PRKG1: variants seen among roughly 807,000 people sequenced by gnomAD.
PRKG1 encodes cGMP-dependent protein kinase 1.
PRKG1 carries 35 observed loss-of-function variants against 88.1 expected under a neutral mutation model. The ratio of observed to expected loss-of-function variants is 0.40; its 90% confidence interval spans 0.30 to 0.53. The LOEUF (loss-of-function observed/expected upper bound fraction) is 0.53, where lower values mean the gene tolerates loss of function less well. PRKG1 is among the 20% of genes least tolerant of loss of function. The pLI is 0.59. For synonymous variants in PRKG1, 303 were observed against 292.5 expected (o/e 1.04, Z -0.37); for missense variants, 540 against 839.8 (o/e 0.64, Z 4.41).
chr10:51,525,381 A>G (rs1194176031), intron 3 of PRKG1, among the ~76,000 whole-genome samples: 1 of 152,226 alleles, frequency 6.6e-6, no homozygotes, highest in East Asian at 1.9e-4. Context: ...TTGCACTTCA[A>G]AATAATATGG....
chr10:51,150,002 T>C (rs1228972254), intron 1 of PRKG1, among the ~76,000 whole-genome samples: 1 of 152,044 alleles, frequency 6.6e-6, no homozygotes, highest in Non-Finnish European at 1.5e-5. Context: ...TTTATGGGTG[T>C]TTAGATTTAA....
chr10:51,027,333 T>A (rs1377413117), intron 1 of PRKG1, among the ~76,000 whole-genome samples: 1 of 152,230 alleles, frequency 6.6e-6, no homozygotes, highest in Admixed American at 6.5e-5. Flanking sequence ...CAAAGGTATA[T>A]TGACCTAGTG....
rs1845332544 is a variant in PRKG1, at chr10:52,026,184, AC to A, written c.763-28298del. ...GACTTATTTTTATCTATGAAAAAAT[AC>A]CGTGGGGATTTATTAAAATATATTA... On this transcript the variant is annotated intron_variant, in intron 5 of 17. Transcript: ENST00000373980. Among the ~76,000 whole-genome samples, 4 of 152,158 alleles carry A rather than the reference AC, an allele frequency of 2.6e-5. 1 individual carries two copies. The South Asian group carries it at 8.3e-4, about 31-fold the overall frequency.
intron 4 of PRKG1, among the ~76,000 whole-genome samples, chr10:51,828,814 C>A (rs566509606): frequency 1.3e-5 from 2 of 152,048 alleles, no homozygotes; most frequent in Non-Finnish European, 2.9e-5. Context: ...CAAGACAAAG[C>A]AGAATAAAAA....
intron 2 of PRKG1, among the ~76,000 whole-genome samples, chr10:51,395,422 A>G (rs890944503): frequency 6.6e-6 from 1 of 152,156 alleles, no homozygotes; most frequent in African/African-American, 2.4e-5. Flanking sequence ...TGCTTAACCT[A>G]TGTTGTCTGT....
chr10:51,946,911 G>A (rs1843052171), intron 5 of PRKG1, among the ~76,000 whole-genome samples: 2 of 152,182 alleles, frequency 1.3e-5, no homozygotes, highest in South Asian at 4.1e-4. Flanking sequence ...GGGGTCAGGG[G>A]TCAGGGACCC....
intron 2 of PRKG1, among the ~76,000 whole-genome samples, chr10:51,231,418 G>A (rs568739776): frequency 6.6e-6 from 1 of 152,190 alleles, no homozygotes; most frequent in South Asian, 2.1e-4. Flanking sequence ...CAAATTGTGC[G>A]TTTCAGTCTC....
At chr10:51,255,614 A>G (rs1409654619) in intron 2 of PRKG1, among the ~76,000 whole-genome samples, 1 of 152,120 alleles carries the variant, frequency 6.6e-6, no homozygotes, top group African/African-American at 2.4e-5. Context: ...TGCAGTAGCC[A>G]TGCCTTTGAT....
chr10:52,006,392 A>C (rs1029814952), intron 5 of PRKG1, among the ~76,000 whole-genome samples: 3 of 152,206 alleles, frequency 2.0e-5, no homozygotes, highest in African/African-American at 7.2e-5. Flanking sequence ...ATCATAATAA[A>C]ATGATACAGG....
At chr10:51,552,833 CTG>C (rs903085203) in intron 3 of PRKG1, among the ~76,000 whole-genome samples, 4 of 151,542 alleles carry the variant, frequency 2.6e-5, no homozygotes, top group African/African-American at 9.7e-5. Flanking sequence ...CGTATTTTTA[CTG>C]GCAGAAATCT....
At chr10:51,831,275 C>T (rs1839999822) in intron 4 of PRKG1, among the ~76,000 whole-genome samples, 1 of 151,814 alleles carries the variant, frequency 6.6e-6, no homozygotes, top group Non-Finnish European at 1.5e-5. Context: ...TTATTTTTTT[C>T]TGATAGCAGA....
intron 4 of PRKG1, among the ~76,000 whole-genome samples, chr10:51,901,272 T>C (rs1841973226): frequency 6.6e-6 from 1 of 152,206 alleles, no homozygotes; most frequent in South Asian, 2.1e-4. Context: ...ATTTCTTTAA[T>C]GATTAGTTTG....
At position 51,996,516 on chromosome 10, in the gene PRKG1, G is replaced by A. The variant is rs139949099; in HGVS notation, c.763-57968G>A. On this transcript the variant is annotated intron_variant, in intron 5 of 17. Transcript: ENST00000373980. ...TAGAAGACCTAAAATTAGCCAAAAG[G>A]TATATGAAATGAATGCTTAACTACT... Among the ~76,000 whole-genome samples the A allele has an allele frequency of 2.9e-4, 44 of 151,970 alleles. 1 individual carries two copies. Among genetic ancestry groups the A allele is most frequent in the Admixed American group, 2.6e-3 (39 of 15,242 alleles).
rs1392915806 is a variant in PRKG1 at position 51,866,228 on chromosome 10, T to C, written c.699-41279T>C. Among the ~76,000 whole-genome samples, 3 of 152,040 alleles carry C rather than the reference T, an allele frequency of 2.0e-5. 1 individual carries two copies. The highest frequency in any genetic ancestry group is 1.3e-4 in the Admixed American group (2 of 15,268). On this transcript the variant is annotated intron_variant, in intron 4 of 17. Transcript: ENST00000373980. ...CATTATTCATTTAAATATGAAGTAA[T>C]TTTCTGAGATATAATTTACGTAATA...
chr10:51,820,926 A>G (rs1223353872), intron 4 of PRKG1, among the ~76,000 whole-genome samples: 1 of 152,206 alleles, frequency 6.6e-6, no homozygotes, highest in Non-Finnish European at 1.5e-5. Context: ...ATGTTTACAT[A>G]TTTATATACT....
At chr10:51,083,893 T>C (rs999163456) in intron 1 of PRKG1, among the ~76,000 whole-genome samples, 1 of 152,216 alleles carries the variant, frequency 6.6e-6, no homozygotes, top group Non-Finnish European at 1.5e-5. Flanking sequence ...GCTAGGAGCC[T>C]ATTTACATTT....
chr10:51,811,140 C>T (rs932631630), intron 4 of PRKG1, among the ~76,000 whole-genome samples: 43 of 152,264 alleles, frequency 2.8e-4, no homozygotes, highest in African/African-American at 9.1e-4. Flanking sequence ...TTACACCTTA[C>T]CTGGACTCCA....
chr10:51,756,597 C>T (rs1039684437), intron 3 of PRKG1, among the ~76,000 whole-genome samples: 2 of 151,738 alleles, frequency 1.3e-5, no homozygotes, highest in Admixed American at 1.3e-4. Context: ...GGGCGGATAA[C>T]GAGGTCAGGA....
intron 10 of PRKG1, among the ~76,000 whole-genome samples, chr10:52,270,928 T>C (rs1841711040): frequency 6.6e-6 from 1 of 151,896 alleles, no homozygotes; most frequent in Non-Finnish European, 1.5e-5. Context: ...GGATTAGAAC[T>C]AAGGAGGAAG....
Sources: allele counts gnomAD v4.1 joint callset (sites outside exome capture counted in the v4.1 genomes callset), GRCh38; gene constraint gnomAD v4.1.1; transcripts MANE v1.5; gene names NCBI Gene and HGNC (gene_info 2026-07-23, HGNC 2026-07-21).